Variants in NOMO2 observed in about 807,000 individuals in gnomAD.
NOMO2 encodes the protein BOS complex subunit NOMO2.
In NOMO2, 14 loss-of-function variants were observed where a neutral mutation model predicts 67.1. The observed-to-expected ratio is 0.21, with a 90% confidence interval of 0.14 to 0.33. The LOEUF (loss-of-function observed/expected upper bound fraction) is 0.33, where lower values mean the gene tolerates loss of function less well. Among genes scored for constraint, NOMO2 ranks in the 10% least tolerant of loss-of-function variants. The pLI, the probability that NOMO2 is intolerant of heterozygous loss-of-function variation, is 1.00. For missense variants in NOMO2, 178 were observed against 761.0 expected (o/e 0.23, Z 9.01); for synonymous variants, 80 against 305.9 (o/e 0.26, Z 7.71).
At chr16:18,551,804 G>A (rs1025814361) in intron 3 of NOMO2, among the ~76,000 whole-genome samples, 22 of 151,590 alleles carry the variant, frequency 1.5e-4, no homozygotes, top group Admixed American at 2.0e-4. Context: ...ATTTTACAAC[G>A]CCTTTCAGCT....
chr16:18,531,208 T>C (rs1901288852), intron 13 of NOMO2, 40 bp from the exon 14 acceptor site: 1 of 663,768 alleles, frequency 1.5e-6, no homozygotes, highest in Non-Finnish European at 2.6e-6. Context: ...TGACCCCTTA[T>C]AAGGCTTCAG....
At chr16:18,562,110 C>G (rs917566064), upstream of NOMO2, 3 of 1,339,318 alleles carry the variant, frequency 2.2e-6, no homozygotes, top group Non-Finnish European at 2.9e-6. Context: ...ACGCCGCAGG[C>G]TCCTTCCTCC....
intron 3 of NOMO2, among the ~76,000 whole-genome samples, chr16:18,552,917 C>T (rs1302820241): frequency 3.9e-5 from 6 of 151,968 alleles, no homozygotes; most frequent in Admixed American, 2.0e-4. Context: ...TGGCCAAAAT[C>T]GGTAAGCAAC....
chr16:18,561,169 T>A (rs1596865572), intron 1 of NOMO2, among the ~76,000 whole-genome samples: 1 of 36,566 alleles, frequency 2.7e-5, no homozygotes, highest in Non-Finnish European at 4.5e-5. Context: ...CTTTACAACT[T>A]AATTAAAAAA....
chr16:18,556,361 G>GA (rs1901903424), intron 2 of NOMO2, among the ~76,000 whole-genome samples: 1 of 151,558 alleles, frequency 6.6e-6, no homozygotes, highest in Non-Finnish European at 1.5e-5. Context: ...GGCTGAGGCA[G>GA]AAACCCAGGA....
At chr16:18,561,195 A>C (rs66614403) in intron 1 of NOMO2, among the ~76,000 whole-genome samples, 2,356 of 100,344 alleles carry the variant, frequency 0.023, 69 homozygotes, top group Middle Eastern at 0.068. Context: ...AAAAAAAAAA[A>C]AAAAAAAAAA....
chr16:18,529,385 G>A (rs773638011), intron 15 of NOMO2, 116 bp downstream of exon 15: 4 of 1,608,198 alleles, frequency 2.5e-6, no homozygotes, highest in Admixed American at 3.3e-5. Context: ...CGAGTGGAGA[G>A]GCAGAAAAGG....
At position 18,557,134 on chromosome 16, in the gene NOMO2, G is replaced by GA. The variant is rs961562530; in HGVS notation, c.255+567dup. ...AGAGCGAGACTCCATCTCAAAAGAA[G>GA]AAAAAAAAAACAACAAAAAAAACCT... On this transcript the variant is annotated intron_variant, in intron 2 of 30. Coordinates refer to ENST00000622306, the MANE Select transcript of NOMO2 (RefSeq NM_173614.4). Among the ~76,000 whole-genome samples, 9 of 145,376 alleles carry GA rather than the reference G, an allele frequency of 6.2e-5. No individual in the cohort carries two copies. The South Asian group carries it at 6.6e-4, about 11-fold the overall frequency.
intron 11 of NOMO2, among the ~76,000 whole-genome samples, chr16:18,538,279 TTGGGAAGC>T (rs2141731157): frequency 6.6e-6 from 1 of 151,088 alleles, no homozygotes; most frequent in East Asian, 1.9e-4. Flanking sequence ...TCCCAGCTAC[TTGGGAAGC>T]TGAGGCAGGA....
In NOMO2 at chr16:18,538,680, TAA is replaced by T; in HGVS notation, c.1070-6_1070-5del. 1 of 1,613,584 alleles carries T rather than the reference TAA, an allele frequency of 6.2e-7. No individual in the cohort carries two copies. The highest frequency in any genetic ancestry group is 1.1e-5 in the South Asian group (1 of 91,054). ...GAGCCATCAGCTTTTGTTTTAACTG[TAA>T]AACAAAAACACACAAACAGAAGATA... On this transcript the variant is annotated splice_region_variant and splice_polypyrimidine_tract_variant and intron_variant, in intron 10 of 30. Transcript: ENST00000622306.
At position 18,537,339 on chromosome 16, in the gene NOMO2, T is replaced by G. The variant is rs1901447918; in HGVS notation, c.1220+1187A>C. Among the ~76,000 whole-genome samples the G allele has an allele frequency of 4.7e-5, 7 of 149,954 alleles. 1 individual carries two copies. In the South Asian group the frequency reaches 1.5e-3, roughly 31 times the overall value. ...AGGCAAGCCCTTGTCGTCTCTGCTT[T>G]CAGACCTCCTGTGCCCAAGTCCTGT... On this transcript the variant is annotated intron_variant, in intron 11 of 30. Coordinates refer to ENST00000622306, the MANE Select transcript of NOMO2 (RefSeq NM_173614.4).
intron 1 of NOMO2, among the ~76,000 whole-genome samples, chr16:18,560,593 T>C (rs1202796786): frequency 1.3e-5 from 2 of 151,816 alleles, no homozygotes; most frequent in East Asian, 3.9e-4. Context: ...ATTCATTCAA[T>C]GCCTGACCTC....
chr16:18,561,173 T>TAAAAAAAAAAAAAAAAAAAAAAAA (rs756246897), intron 1 of NOMO2, among the ~76,000 whole-genome samples: 2 of 32,458 alleles, frequency 6.2e-5, no homozygotes, highest in African/African-American at 2.5e-4. Flanking sequence ...ACAACTTAAT[T>TAAAAAAAAAAAAAAAAAAAAAAAA]AAAAAAAAAA....
intron 5 of NOMO2, among the ~76,000 whole-genome samples, chr16:18,548,630 A>C (rs544423765): frequency 6.6e-6 from 1 of 152,128 alleles, no homozygotes; most frequent in African/African-American, 2.4e-5. Flanking sequence ...CCAACTACAA[A>C]GCAGTTTTGA....
rs989059555 is a variant in NOMO2, at chr16:18,553,102, C to A, written c.302-1563G>T. Among the ~76,000 whole-genome samples the A allele has an allele frequency of 2.6e-5, 4 of 151,642 alleles. 1 individual carries two copies. The highest frequency in any genetic ancestry group is 2.1e-4 in the South Asian group (1 of 4,818). ...CAGCCTGGGTCAACATGATGAAACC[C>A]CATCTCTACTAAAAATACAAAAATT... On this transcript the variant is annotated intron_variant, in intron 3 of 30. Transcript: ENST00000622306.
At chr16:18,531,407 C>T (rs1188595419) in intron 13 of NOMO2, 59 bp downstream of exon 13, 31 of 1,612,968 alleles carry the variant, frequency 1.9e-5, no homozygotes, top group Admixed American at 3.3e-5. Context: ...TCCCAAATCC[C>T]ACTCCTACTG....
intron 12 of NOMO2, 85 bp from the exon 13 acceptor site, chr16:18,531,692 G>C (rs1264162858): frequency 1.3e-6 from 2 of 1,589,734 alleles, no homozygotes; most frequent in African/African-American, 1.4e-5. Flanking sequence ...ATTCATCTGG[G>C]ACTAAGGCTA....
At chr16:18,526,440 C>A (rs1278264484) in intron 16 of NOMO2, among the ~76,000 whole-genome samples, 1 of 151,894 alleles carries the variant, frequency 6.6e-6, no homozygotes, top group East Asian at 1.9e-4. Flanking sequence ...AAAATGAAAA[C>A]ATACGGACAC....
intron 14 of NOMO2, 143 bp from the exon 15 acceptor site, chr16:18,529,780 A>G: frequency 3.3e-6 from 2 of 615,156 alleles, no homozygotes; most frequent in Non-Finnish European, 5.8e-6. Context: ...ATACACATAC[A>G]TATATTTATA....
Sources: gnomAD v4.1 joint callset for allele counts (sites outside exome capture counted in the v4.1 genomes callset) on GRCh38, gnomAD v4.1.1 for gene constraint, MANE v1.5 for transcripts, NCBI Gene and HGNC (gene_info 2026-07-23, HGNC 2026-07-21) for gene names.